FRMD6: variants seen among roughly 807,000 people sequenced by gnomAD.
FRMD6 encodes the protein FERM domain-containing protein 6.
A neutral mutation model predicts 73.2 loss-of-function variants in FRMD6; 37 were observed. The observed-to-expected ratio is 0.51, with a 90% CI of 0.39 to 0.66. The LOEUF (loss-of-function observed/expected upper bound fraction) is 0.66, where lower values mean the gene tolerates loss of function less well. Among genes scored for constraint, FRMD6 ranks in the 30% least tolerant of loss-of-function variants. The pLI is 0.00. For missense variants in FRMD6, 714 were observed against 780.5 expected (o/e 0.91, Z 1.02); for synonymous variants, 273 against 282.2 (o/e 0.97, Z 0.33).
chr14:51,626,042 T>A (rs982302894), intron 2 of FRMD6, among the ~76,000 whole-genome samples: 11 of 152,322 alleles, frequency 7.2e-5, no homozygotes, highest in African/African-American at 2.6e-4. Flanking sequence ...AGATGCTGTA[T>A]GTCAATTGTA....
intron 2 of FRMD6, among the ~76,000 whole-genome samples, chr14:51,571,427 G>C (rs1442168014): frequency 6.6e-5 from 10 of 152,112 alleles, no homozygotes; most frequent in Non-Finnish European, 2.9e-5. Flanking sequence ...GGGTATGCTG[G>C]AGTTCTCCAC....
intron 6 of FRMD6, among the ~76,000 whole-genome samples, chr14:51,706,028 C>G (rs1213076059): frequency 1.3e-5 from 2 of 152,050 alleles, no homozygotes. Flanking sequence ...ATAGGCCGTT[C>G]AAACTCAAGA....
intron 1 of FRMD6, among the ~76,000 whole-genome samples, chr14:51,523,927 C>T (rs1885086235): frequency 6.6e-6 from 1 of 152,166 alleles, no homozygotes; most frequent in African/African-American, 2.4e-5. Flanking sequence ...ATGGTTATTA[C>T]AAATATGATT....
At chr14:51,429,813 A>G in the FRMD6 span, among the ~76,000 whole-genome samples, 1 of 152,192 alleles carries the variant, frequency 6.6e-6, no homozygotes, top group African/African-American at 2.4e-5. Context: ...CACTTGTGGG[A>G]CTTTGAGACA....
chr14:51,453,065 A>G, the FRMD6 span, among the ~76,000 whole-genome samples: 1 of 152,112 alleles, frequency 6.6e-6, no homozygotes, highest in Non-Finnish European at 1.5e-5. Flanking sequence ...TAAAGCAAGA[A>G]CCTGATGACC....
At chr14:51,659,625 G>A (rs1188574359) in intron 1 of FRMD6, among the ~76,000 whole-genome samples, 2 of 152,118 alleles carry the variant, frequency 1.3e-5, no homozygotes, top group Admixed American at 6.5e-5. Context: ...CTAGATAACT[G>A]TTTCTTTCCA....
chr14:51,701,037 C>T lies in FRMD6; in HGVS notation c.191-19C>T. On this transcript the variant is annotated intron_variant, in intron 3 of 13. Transcript: ENST00000344768. ...AAATCCTTTCTTTAGCATGTCGTCT[C>T]CTTTTTTTTAATGTACAGATAATGA... 3.3e-6 allele frequency: 4 copies of T among 1,227,372 alleles called. No homozygotes were observed. The highest frequency in any genetic ancestry group is 2.2e-6 in the Non-Finnish European group (2 of 895,138). The allele number at this position is 1,227,372 out of a possible 1,614,324, so 76.0% of individuals were successfully genotyped here.
intron 2 of FRMD6, among the ~76,000 whole-genome samples, chr14:51,646,614 C>T (rs1036964082): frequency 2.0e-5 from 3 of 149,812 alleles, no homozygotes; most frequent in Non-Finnish European, 4.5e-5. Flanking sequence ...CAAAACTACT[C>T]TGGAACCTTT....
At chr14:51,693,784 A>G (rs1366980440) in intron 2 of FRMD6, among the ~76,000 whole-genome samples, 1 of 152,288 alleles carries the variant, frequency 6.6e-6, no homozygotes, top group East Asian at 1.9e-4. Context: ...GGCAGGTCTA[A>G]GGTAGGACAC....
the FRMD6 span, among the ~76,000 whole-genome samples, chr14:51,414,066 T>A: frequency 6.6e-6 from 1 of 152,240 alleles, no homozygotes; most frequent in African/African-American, 2.4e-5. Flanking sequence ...CTTTGTCAGA[T>A]GGGTAGAATG....
chr14:51,424,531 C>T, the FRMD6 span, among the ~76,000 whole-genome samples: 1 of 152,208 alleles, frequency 6.6e-6, no homozygotes, highest in African/African-American at 2.4e-5. Context: ...CATTTAAATA[C>T]AACCATTTTT....
chr14:51,637,297 T>C (rs1891608495), intron 2 of FRMD6: 1 of 152,096 alleles, frequency 6.6e-6, no homozygotes, highest in Non-Finnish European at 1.5e-5. Context: ...GGCAGAAAAT[T>C]CTACCTAAGG....
chr14:51,483,024 A>G, the FRMD6 span, among the ~76,000 whole-genome samples: 1 of 152,132 alleles, frequency 6.6e-6, no homozygotes, highest in Non-Finnish European at 1.5e-5. Flanking sequence ...TAATGCATCC[A>G]GTGATGTTTT....
At chr14:51,571,293 C>T (rs1445011619) in intron 2 of FRMD6, among the ~76,000 whole-genome samples, 1 of 152,236 alleles carries the variant, frequency 6.6e-6, no homozygotes, top group Non-Finnish European at 1.5e-5. Flanking sequence ...GCAGGAGGAT[C>T]ACTTGAGCTG....
At chr14:51,674,869 G>A (rs1894275927) in intron 1 of FRMD6, among the ~76,000 whole-genome samples, 1 of 152,042 alleles carries the variant, frequency 6.6e-6, no homozygotes, top group Non-Finnish European at 1.5e-5. Flanking sequence ...GACTGGACTG[G>A]GCTCTTCAGT....
the FRMD6 span, among the ~76,000 whole-genome samples, chr14:51,417,253 G>A: frequency 3.4e-3 from 511 of 152,272 alleles, 2 homozygotes; most frequent in Non-Finnish European, 4.5e-3. Context: ...AGCATCAGTG[G>A]TCTTTACAAT....
chr14:51,708,188 T>C lies in FRMD6; in HGVS notation c.669T>C (p.Ala223=), dbSNP rs749976480. The C allele has an allele frequency of 1.2e-6, 2 of 1,613,294 alleles. No homozygotes were observed. Among genetic ancestry groups the C allele is most frequent in the Non-Finnish European group, 1.7e-6 (2 of 1,179,476 alleles). Reference sequence around the variant, plus strand: ...CTCATCTTAAATATATCAAAGAGGCTGTCCGACTGGATGACGTCGCTGTTC... The same window carrying C: ...CTCATCTTAAATATATCAAAGAGGCCGTCCGACTGGATGACGTCGCTGTTC... ...SEAHLKYIKE[A]VRLDDVAVHY... is the part of the protein sequence containing the mutation. The change falls in exon 7 of 14, where the codon GCT becomes GCC. Residue 223 remains alanine, a synonymous_variant. Transcript: ENST00000344768.
intron 1 of FRMD6, among the ~76,000 whole-genome samples, chr14:51,567,576 G>A (rs538207812): frequency 2.4e-4 from 36 of 152,344 alleles, no homozygotes; most frequent in African/African-American, 6.7e-4. Context: ...CAGGCCTCAA[G>A]CAATCCTCCT....
chr14:51,595,803 G>A (rs1330435205), intron 2 of FRMD6, among the ~76,000 whole-genome samples: 1 of 152,116 alleles, frequency 6.6e-6, no homozygotes, highest in Non-Finnish European at 1.5e-5. Flanking sequence ...AGAGTCTCAG[G>A]CAATAATGAG....
Sources: allele counts gnomAD v4.1 joint callset (sites outside exome capture counted in the v4.1 genomes callset), GRCh38; gene constraint gnomAD v4.1.1; transcripts MANE v1.5; gene names NCBI Gene and HGNC (gene_info 2026-07-23, HGNC 2026-07-21).